Variants in ZFPM1 observed in about 807,000 individuals in gnomAD.
The protein encoded by ZFPM1 is zinc finger protein, FOG family member 1.
In ZFPM1, 28 loss-of-function variants were observed where a neutral mutation model predicts 46.3. The ratio of observed to expected loss-of-function variants is 0.60; its 90% CI spans 0.45 to 0.83. ZFPM1 has a LOEUF of 0.83. ZFPM1 is among the 40% of genes least tolerant of loss of function. The pLI is 0.00. For missense variants in ZFPM1, 1,878 were observed against 1,432.4 expected, an observed-to-expected ratio of 1.31 and a Z score of -5.02; for synonymous variants, 957 against 675.9, an observed-to-expected ratio of 1.42 and a Z score of -6.45.
At chr16:88,476,874 T>C (rs1908710824) in intron 1 of ZFPM1, among the ~76,000 whole-genome samples, 1 of 152,208 alleles carries the variant, frequency 6.6e-6, no homozygotes, top group African/African-American at 2.4e-5. Context: ...GCTAAGCCGG[T>C]GGCCTGAGGG....
At chr16:88,457,960 G>T (rs1180685709) in intron 1 of ZFPM1, among the ~76,000 whole-genome samples, 3 of 152,184 alleles carry the variant, frequency 2.0e-5, no homozygotes, top group Admixed American at 2.0e-4. Context: ...AAGGCAGACA[G>T]CTCATGATCA....
chr16:88,506,001 G>A (rs908506601), intron 3 of ZFPM1, among the ~76,000 whole-genome samples: 4 of 152,230 alleles, frequency 2.6e-5, no homozygotes, highest in African/African-American at 7.2e-5. Flanking sequence ...TCTGTGGTTC[G>A]AAGCCCTTTG....
In ZFPM1 at chr16:88,486,051, A is replaced by C. The variant is rs545926793; in HGVS notation, c.145+8A>C. 240 of 1,609,806 alleles carry C rather than the reference A, an allele frequency of 1.5e-4. 3 individuals carry two copies. The South Asian group carries it at 2.6e-3, about 17-fold the overall frequency. On this transcript the variant is annotated splice_region_variant and intron_variant, in intron 2 of 9. Coordinates refer to ENST00000319555, the MANE Select transcript of ZFPM1 (RefSeq NM_153813.3). Reference sequence around the variant, plus strand: ...CGAGCCCTCCCAGCGCAGGTGAGTCAGACTGAGCCCTCTCACCGCGCCTCC... The same window carrying C: ...CGAGCCCTCCCAGCGCAGGTGAGTCCGACTGAGCCCTCTCACCGCGCCTCC...
intron 1 of ZFPM1, among the ~76,000 whole-genome samples, chr16:88,483,808 G>T (rs1909072181): frequency 6.6e-6 from 1 of 152,230 alleles, no homozygotes; most frequent in Admixed American, 6.5e-5. Flanking sequence ...GCATCAGCCA[G>T]CCACAGCCTG....
intron 3 of ZFPM1, among the ~76,000 whole-genome samples, chr16:88,504,470 T>G (rs1910543264): frequency 6.6e-6 from 1 of 151,938 alleles, no homozygotes; most frequent in African/African-American, 2.4e-5. Flanking sequence ...TGTTTAGCCT[T>G]CCAGAAGCCC....
chr16:88,489,317 G>A (rs936743679), intron 3 of ZFPM1, 164 bp downstream of exon 3: 6 of 1,163,718 alleles, frequency 5.2e-6, no homozygotes, highest in Admixed American at 6.2e-5. Context: ...CGTGCAGCTG[G>A]TGGTATCACT....
chr16:88,488,945 C>T (rs562196874), intron 2 of ZFPM1, 86 bp from the exon 3 acceptor site: 85 of 1,519,490 alleles, frequency 5.6e-5, no homozygotes, highest in Admixed American at 2.7e-4. Flanking sequence ...CGGCGCCCAG[C>T]GCCTCAGCAT....
rs781100718 is a variant in ZFPM1 at position 88,532,722 on chromosome 16, G to A, written c.1042+13G>A. ...GACACGCTGAGCGGTAGGCACCGCA[G>A]GGGCCGGGGGGTGTGTGGGTCCCGC... On this transcript the variant is annotated intron_variant, in intron 8 of 9. Coordinates refer to ENST00000319555, the MANE Select transcript of ZFPM1 (RefSeq NM_153813.3). The A allele has an allele frequency of 4.3e-6, 7 of 1,612,040 alleles. No individual in the cohort carries two copies. The highest frequency in any genetic ancestry group is 8.5e-7 in the Non-Finnish European group (1 of 1,179,458).
intron 6 of ZFPM1, among the ~76,000 whole-genome samples, chr16:88,529,287 G>A (rs372459841): frequency 4.6e-5 from 7 of 152,250 alleles, no homozygotes; most frequent in Non-Finnish European, 1.0e-4. Context: ...ACCGGATGGC[G>A]TTTGGAGGGG....
Position 88,534,013 on chromosome 16 carries a change from C to T in ZFPM1, c.2055C>T (p.Cys685=), listed in dbSNP as rs1913041841. The T allele has an allele frequency of 2.2e-6, 3 of 1,374,296 alleles. No homozygotes were observed. The highest frequency in any genetic ancestry group is 2.2e-5 in the Admixed American group (1 of 46,442). The allele number at this position is 1,374,296 out of a possible 1,614,324, so 85.1% of individuals were successfully genotyped here. A position where few individuals can be genotyped will look rare whatever the true frequency, so the allele number is the denominator to read the frequency against. The change falls in exon 10 of 10, where the codon TGC becomes TGT. Residue 685 remains cysteine (C), a synonymous_variant. Coordinates refer to ENST00000319555, the MANE Select transcript of ZFPM1 (RefSeq NM_153813.3). ...AGGACGACCCCAGCCGCACGCTGTG[C>T]GAGGCCTGCAACATCCGCTTCAGCC... ...DAEDDPSRTL[C]EACNIRFSRH...
Position 88,532,052 on chromosome 16 carries a change from AACCTGCAGGCGC to A in ZFPM1, c.770_781del (p.Gln257_Leu260del). 1 of 1,612,184 alleles carries A rather than the reference AACCTGCAGGCGC, an allele frequency of 6.2e-7. No individual in the cohort carries two copies. Among genetic ancestry groups the A allele is most frequent in the Non-Finnish European group, 8.5e-7 (1 of 1,179,508 alleles). ...TGGCATCTGGTACCGCAGCGAGCGC[AACCTGCAGGCGC>A]ACCTGCTCTACTACTGCGCCAGCCG... On this transcript the variant is annotated inframe_deletion, in exon 7 of 10. Coordinates refer to ENST00000319555, the MANE Select transcript of ZFPM1 (RefSeq NM_153813.3).
At chr16:88,463,483 T>C (rs1307018589) in intron 1 of ZFPM1, among the ~76,000 whole-genome samples, 1 of 152,374 alleles carries the variant, frequency 6.6e-6, no homozygotes, top group South Asian at 2.1e-4. Context: ...TCACAGCACC[T>C]ACTGGGCATT....
chr16:88,496,754 T>C (rs1909953433), intron 3 of ZFPM1, among the ~76,000 whole-genome samples: 1 of 152,130 alleles, frequency 6.6e-6, no homozygotes, highest in Non-Finnish European at 1.5e-5. Context: ...TACACGGGGC[T>C]TGAGGAGATC....
At chr16:88,523,730 T>A (rs1166276241) in intron 4 of ZFPM1, among the ~76,000 whole-genome samples, 1 of 152,044 alleles carries the variant, frequency 6.6e-6, no homozygotes, top group Non-Finnish European at 1.5e-5. Flanking sequence ...TGTTTGGCAG[T>A]GGGGGCCGTG....
intron 1 of ZFPM1, among the ~76,000 whole-genome samples, chr16:88,475,053 C>G (rs1288886427): frequency 6.6e-6 from 1 of 152,268 alleles, no homozygotes; most frequent in Non-Finnish European, 1.5e-5. Flanking sequence ...CCTCAGTTTC[C>G]CTACAGGCCT....
rs1338964756 is a variant in ZFPM1, at chr16:88,534,149, GC to G, written c.2196del (p.Ser733LeufsTer65). 6 of 1,004,588 alleles carry G rather than the reference GC, an allele frequency of 6.0e-6. No homozygotes were observed. The highest frequency in any genetic ancestry group is 1.8e-5 in the African/African-American group (1 of 56,142). The allele number at this position is 1,004,588 out of a possible 1,614,324, so 62.2% of individuals were successfully genotyped here. Reference sequence around the variant, plus strand: ...ACCCCCTGGGCCGGCCGCGCCCCCGGCCCCCTCTCCCGCCGCGCCTGTGCGC... The same window carrying G: ...ACCCCCTGGGCCGGCCGCGCCCCCGGCCCCTCTCCCGCCGCGCCTGTGCGC... ...PGPPGPAAPPAPSPAAPVRTR... is the reference protein window; with the variant it reads ...PGPPGPAAPPXPSPAAPVRTR... On this transcript the variant is annotated frameshift_variant, in exon 10 of 10. Coordinates refer to ENST00000319555, the MANE Select transcript of ZFPM1 (RefSeq NM_153813.3). LOFTEE classifies it low-confidence loss of function (END_TRUNC).
intron 1 of ZFPM1, among the ~76,000 whole-genome samples, chr16:88,465,848 G>T (rs1412158099): frequency 6.6e-6 from 1 of 152,232 alleles, no homozygotes; most frequent in Non-Finnish European, 1.5e-5. Context: ...GATTAGCGGC[G>T]ATTAGAGCCC....
Position 88,533,941 on chromosome 16 carries a change from G to A in ZFPM1, c.1983G>A (p.Arg661=), listed in dbSNP as rs940652364. 2 of 1,272,494 alleles carry A rather than the reference G, an allele frequency of 1.6e-6. No homozygotes were observed. The highest frequency in any genetic ancestry group is 2.0e-6 in the Non-Finnish European group (2 of 989,218). The allele number at this position is 1,272,494 out of a possible 1,614,324, so 78.8% of individuals were successfully genotyped here. A position where few individuals can be genotyped will look rare whatever the true frequency, so the allele number is the denominator to read the frequency against. ...CGCCCGAGGACGGCGCGGGCGGCCG[G>A]GGCAGCGAGGGCAGCCAGAGCCCGG... is the stretch of plus-strand genomic sequence containing the variant. ...AATPEDGAGG[R]GSEGSQSPGS... is the part of the protein sequence containing the mutation. The change falls in exon 10 of 10, where the codon CGG becomes CGA. Residue 661 remains arginine, a synonymous_variant. Coordinates refer to ENST00000319555, the MANE Select transcript of ZFPM1 (RefSeq NM_153813.3).
intron 4 of ZFPM1, among the ~76,000 whole-genome samples, chr16:88,524,002 G>A (rs940865369): frequency 1.4e-4 from 21 of 152,228 alleles, no homozygotes; most frequent in African/African-American, 3.1e-4. Context: ...GTTGCGGCGC[G>A]TGTTTTTATC....
Sources: allele counts gnomAD v4.1 joint callset (sites outside exome capture counted in the v4.1 genomes callset), GRCh38; gene constraint gnomAD v4.1.1; transcripts MANE v1.5; gene names NCBI Gene and HGNC (gene_info 2026-07-23, HGNC 2026-07-21).